The following FHIT variants were observed in gnomAD, a reference collection of about 807,000 sequenced individuals.
FHIT encodes the protein fragile histidine triad diadenosine triphosphatase.
Under a neutral mutation model 17.9 loss-of-function variants are expected in FHIT, and 19 were observed. The ratio of observed to expected loss-of-function variants is 1.06; its 90% CI spans 0.74 to 1.56. The LOEUF is 1.56. Among genes scored for constraint, FHIT ranks in the 40% most tolerant of loss-of-function variants. FHIT has a pLI of 0.00. For missense variants in FHIT, 248 were observed against 189.2 expected (o/e 1.31, Z -1.82); for synonymous variants, 81 against 69.7 (o/e 1.16, Z -0.81).
At chr3:60,338,110 C>T (rs1015353774) in intron 5 of FHIT, among the ~76,000 whole-genome samples, 4 of 152,154 alleles carry the variant, frequency 2.6e-5, no homozygotes, top group Middle Eastern at 3.4e-3. Context: ...GGATGGAATG[C>T]GTTTTCTAGA....
At chr3:60,539,238 A>G (rs980020372) in intron 4 of FHIT, among the ~76,000 whole-genome samples, 16 of 152,228 alleles carry the variant, frequency 1.1e-4, no homozygotes, top group Admixed American at 3.3e-4. Flanking sequence ...CAAAACCACA[A>G]TGAGATACAA....
intron 4 of FHIT, among the ~76,000 whole-genome samples, chr3:60,593,607 T>C (rs1289623817): frequency 6.6e-6 from 1 of 152,110 alleles, no homozygotes; most frequent in East Asian, 1.9e-4. Context: ...TGGAGTATGT[T>C]ATAGTCGTAT....
At chr3:60,233,087 G>C (rs999140054) in intron 5 of FHIT, among the ~76,000 whole-genome samples, 1 of 152,102 alleles carries the variant, frequency 6.6e-6, no homozygotes, top group Non-Finnish European at 1.5e-5. Flanking sequence ...TAGACCATGA[G>C]CTGATAATTA....
At chr3:60,955,611 T>TACATATATATATATAC in intron 3 of FHIT, among the ~76,000 whole-genome samples, 1 of 16,924 alleles carries the variant, frequency 5.9e-5, no homozygotes, top group South Asian at 2.4e-3. Context: ...TATATATATA[T>TACATATATATATATAC]ATATATATAT....
At chr3:60,690,254 C>A in intron 4 of FHIT, 1 of 542,206 alleles carries the variant, frequency 1.8e-6, no homozygotes, top group South Asian at 1.4e-5. Context: ...GCAATAGTGA[C>A]CTTCTTGCTA....
intron 8 of FHIT, among the ~76,000 whole-genome samples, chr3:59,889,586 C>T (rs1372036568): frequency 2.6e-5 from 4 of 152,196 alleles, no homozygotes; most frequent in Non-Finnish European, 4.4e-5. Flanking sequence ...AGAGGAGGAT[C>T]CCTCAAAGAG....
intron 5 of FHIT, among the ~76,000 whole-genome samples, chr3:60,126,454 C>T (rs570816079): frequency 4.1e-4 from 63 of 152,186 alleles, no homozygotes; most frequent in Non-Finnish European, 1.0e-4. Flanking sequence ...GTCATGATCT[C>T]TCATGGAATT....
chr3:61,199,863 TA>T (rs2038962965), intron 2 of FHIT, among the ~76,000 whole-genome samples: 1 of 152,194 alleles, frequency 6.6e-6, no homozygotes, highest in Non-Finnish European at 1.5e-5. Context: ...ACCGCAGCCC[TA>T]TAATTGCCCA....
intron 5 of FHIT, among the ~76,000 whole-genome samples, chr3:60,440,308 T>A (rs1224631619): frequency 6.6e-6 from 1 of 152,120 alleles, no homozygotes; most frequent in African/African-American, 2.4e-5. Flanking sequence ...TACATTTCCA[T>A]GACATGTCAT....
At chr3:60,138,949 C>T (rs548616787) in intron 5 of FHIT, among the ~76,000 whole-genome samples, 49 of 152,254 alleles carry the variant, frequency 3.2e-4, no homozygotes, top group Admixed American at 9.2e-4. Context: ...AAAATAAACG[C>T]TCTATCCACT....
chr3:60,403,646 AC>A (rs1386219464), intron 5 of FHIT, among the ~76,000 whole-genome samples: 2 of 152,096 alleles, frequency 1.3e-5, no homozygotes, highest in Non-Finnish European at 2.9e-5. Context: ...CCTGCCCCAT[AC>A]CCAGAAGCAA....
chr3:60,681,278 T>A (rs1316257336), intron 4 of FHIT, among the ~76,000 whole-genome samples: 1 of 152,220 alleles, frequency 6.6e-6, no homozygotes, highest in Non-Finnish European at 1.5e-5. Context: ...TAGATGTTCC[T>A]ATTGTAAGTG....
chr3:60,547,773 T>C (rs960830070), intron 4 of FHIT, among the ~76,000 whole-genome samples: 2 of 152,034 alleles, frequency 1.3e-5, no homozygotes, highest in African/African-American at 2.4e-5. Context: ...TATCCTTTTG[T>C]GTGTGACTCA....
chr3:60,442,357 T>C (rs2030963267), intron 5 of FHIT, among the ~76,000 whole-genome samples: 1 of 152,158 alleles, frequency 6.6e-6, no homozygotes, highest in African/African-American at 2.4e-5. Context: ...CATGCCTATG[T>C]CCTGAATGGT....
intron 3 of FHIT, among the ~76,000 whole-genome samples, chr3:60,878,137 A>T (rs1031471935): frequency 1.8e-4 from 27 of 152,146 alleles, no homozygotes; most frequent in African/African-American, 6.5e-4. Flanking sequence ...CCCCAGGGGT[A>T]GAATCACAGC....
chr3:60,536,726 G>C, intron 5 of FHIT, 134 bp downstream of exon 5: 1 of 906,168 alleles, frequency 1.1e-6, no homozygotes, highest in South Asian at 2.7e-5. Context: ...TGGTGTCTCC[G>C]AAGTGGGAGG....
chr3:60,129,049 G>GTTTTTTTTTTTTTTTTTTTTTTT (rs1553692328), intron 5 of FHIT, among the ~76,000 whole-genome samples: 2 of 121,042 alleles, frequency 1.7e-5, no homozygotes, highest in Non-Finnish European at 3.2e-5. Flanking sequence ...TTCCTTTTTT[G>GTTTTTTTTTTTTTTTTTTTTTTT]TTTGTTTTTT....
chr3:61,132,198 C>G (rs999182812), intron 2 of FHIT, among the ~76,000 whole-genome samples: 9 of 152,180 alleles, frequency 5.9e-5, no homozygotes, highest in African/African-American at 2.2e-4. Context: ...TCTGTTACTT[C>G]ACTTGATTGC....
chr3:60,506,002 A>G (rs895211449), intron 5 of FHIT, among the ~76,000 whole-genome samples: 8 of 152,052 alleles, frequency 5.3e-5, no homozygotes, highest in Non-Finnish European at 8.8e-5. Flanking sequence ...TGGTTTGATG[A>G]CTCCTCATTT....
Sources: allele counts gnomAD v4.1 joint callset (sites outside exome capture counted in the v4.1 genomes callset), GRCh38; gene constraint gnomAD v4.1.1; transcripts MANE v1.5; gene names NCBI Gene and HGNC (gene_info 2026-07-23, HGNC 2026-07-21).